STPG2: variants seen among roughly 807,000 people sequenced by gnomAD.
The protein encoded by STPG2 is sperm tail PG-rich repeat containing 2.
A neutral mutation model predicts 54.2 loss-of-function variants in STPG2; 56 were observed. That is an observed-to-expected ratio of 1.03 (90% CI 0.83 to 1.29). The LOEUF (loss-of-function observed/expected upper bound fraction) is 1.29. Ranked by LOEUF, STPG2 falls within the 50% of genes most tolerant of loss-of-function variation. The pLI is 0.00. For synonymous variants in STPG2, 200 were observed against 181.8 expected (o/e 1.10, Z -0.81); for missense variants, 596 against 544.9 (o/e 1.09, Z -0.93).
At chr4:97,464,620 A>G (rs1729746092) in intron 4 of STPG2, among the ~76,000 whole-genome samples, 1 of 151,920 alleles carries the variant, frequency 6.6e-6, no homozygotes, top group Non-Finnish European at 1.5e-5. Flanking sequence ...TTTCCCAGAC[A>G]AGTCTCCAAC....
At chr4:97,565,945 G>A (rs1013462939) in intron 10 of STPG2, among the ~76,000 whole-genome samples, 1 of 152,224 alleles carries the variant, frequency 6.6e-6, no homozygotes, top group Non-Finnish European at 1.5e-5. Flanking sequence ...CATGCTGGGA[G>A]AACCACTGCT....
chr4:97,690,665 AC>A (rs1169315691), intron 10 of STPG2, among the ~76,000 whole-genome samples: 1 of 152,142 alleles, frequency 6.6e-6, no homozygotes, highest in Non-Finnish European at 1.5e-5. Flanking sequence ...TGTTTAAGCA[AC>A]CCTGGTTGAA....
intron 5 of STPG2, among the ~76,000 whole-genome samples, chr4:98,038,257 T>C (rs1307921014): frequency 6.6e-6 from 1 of 151,984 alleles, no homozygotes; most frequent in Non-Finnish European, 1.5e-5. Context: ...AAGAAATATA[T>C]CATATGGAAG....
At chr4:97,504,025 T>G (rs1292355597) in intron 4 of STPG2, among the ~76,000 whole-genome samples, 1 of 145,378 alleles carries the variant, frequency 6.9e-6, no homozygotes, top group South Asian at 2.1e-4. Flanking sequence ...ATAAACATAT[T>G]TTTTATTTTT....
intron 9 of STPG2, among the ~76,000 whole-genome samples, chr4:97,830,685 C>T (rs1728426420): frequency 6.6e-6 from 1 of 151,994 alleles, no homozygotes; most frequent in South Asian, 2.1e-4. Context: ...GGAAGATTTA[C>T]CAAGCAAATT....
At position 97,818,694 on chromosome 4, in the gene STPG2, C is replaced by T. The variant is rs529498124; in HGVS notation, c.1204+22079G>A. Among the ~76,000 whole-genome samples the T allele has an allele frequency of 2.4e-4, 37 of 151,788 alleles. No individual in the cohort carries two copies. In the South Asian group the frequency reaches 7.5e-3, roughly 31 times the overall value. On this transcript the variant is annotated intron_variant, in intron 9 of 10. Transcript: ENST00000295268. ...TATCCTAATTTATGTTCTAAAATAC[C>T]ACTTCATCAGTTTTCTCCTCCCCAC... is the stretch of plus-strand genomic sequence containing the variant.
At chr4:97,443,107 C>A (rs896011851) in intron 4 of STPG2, among the ~76,000 whole-genome samples, 1 of 152,120 alleles carries the variant, frequency 6.6e-6, no homozygotes, top group African/African-American at 2.4e-5. Flanking sequence ...GAAAACTATA[C>A]AGACAACCAA....
At chr4:97,960,030 G>A (rs1733828947) in intron 7 of STPG2, among the ~76,000 whole-genome samples, 1 of 152,080 alleles carries the variant, frequency 6.6e-6, no homozygotes, top group African/African-American at 2.4e-5. Context: ...CAGGGATGCA[G>A]GGAAGGTTTA....
intron 5 of STPG2, among the ~76,000 whole-genome samples, chr4:98,096,963 G>A (rs1238075435): frequency 2.0e-5 from 3 of 152,054 alleles, no homozygotes; most frequent in African/African-American, 7.2e-5. Context: ...CAAGTAATAA[G>A]ATCAAAGCCA....
At chr4:98,132,187 T>C (rs1236922762) in intron 2 of STPG2, among the ~76,000 whole-genome samples, 1 of 152,036 alleles carries the variant, frequency 6.6e-6, no homozygotes, top group Non-Finnish European at 1.5e-5. Context: ...CTCAGGTAGT[T>C]TGTAAAATTT....
rs552266374 is a variant in STPG2 at position 97,528,490 on chromosome 4, T to C, written c.462+184209A>G. On this transcript the variant is annotated intron_variant, in intron 4 of 4. Transcript: ENST00000522676. ...ATTGTCTTGGCTATAAGGGCTCTTT[T>C]TGGTTAAATATGAAATTTAAAGTAT... is the stretch of plus-strand genomic sequence containing the variant. 8.1e-4 allele frequency among the ~76,000 whole-genome samples: 123 copies of C among 152,338 alleles called. 1 individual carries two copies. Among genetic ancestry groups the C allele is most frequent in the South Asian group, 2.1e-3 (10 of 4,832 alleles).
chr4:97,627,746 G>T (rs955652368), intron 10 of STPG2, among the ~76,000 whole-genome samples: 2 of 152,058 alleles, frequency 1.3e-5, no homozygotes, highest in African/African-American at 2.4e-5. Context: ...AAAACCAATA[G>T]TAAATGATTC....
At chr4:97,543,470 A>G (rs141985365) in intron 4 of STPG2, among the ~76,000 whole-genome samples, 1 of 152,084 alleles carries the variant, frequency 6.6e-6, no homozygotes, top group African/African-American at 2.4e-5. Flanking sequence ...GGGAAAAAAA[A>G]TAAAATGCTA....
intron 8 of STPG2, among the ~76,000 whole-genome samples, chr4:97,923,852 G>T (rs1029093954): frequency 1.3e-5 from 2 of 152,172 alleles, no homozygotes; most frequent in Non-Finnish European, 1.5e-5. Context: ...AAACACACCA[G>T]TCAGCACCCT....
rs566582284 is a variant in STPG2 at position 97,469,768 on chromosome 4, C to T, written c.462+242931G>A. Among the ~76,000 whole-genome samples, 5 of 151,972 alleles carry T rather than the reference C, an allele frequency of 3.3e-5. No homozygotes were observed. The South Asian group carries it at 1.0e-3, about 32-fold the overall frequency. On this transcript the variant is annotated intron_variant, in intron 4 of 4. Coordinates refer to the STPG2 transcript ENST00000522676. ...AGGCTGAAGAAATACCACAGAAAGA[C>T]ACAGACACAGAAACTAAAACATAGA...
At chr4:97,636,149 C>A (rs1182730644) in intron 10 of STPG2, among the ~76,000 whole-genome samples, 1 of 149,580 alleles carries the variant, frequency 6.7e-6, no homozygotes, top group Non-Finnish European at 1.5e-5. Flanking sequence ...ATCTCTCAGA[C>A]CACAGTGCAA....
intron 10 of STPG2, among the ~76,000 whole-genome samples, chr4:97,711,062 A>T (rs1048439934): frequency 6.6e-6 from 1 of 151,948 alleles, no homozygotes; most frequent in Non-Finnish European, 1.5e-5. Context: ...AAAAGCAAGA[A>T]TATCTTAAAT....
intron 8 of STPG2, among the ~76,000 whole-genome samples, chr4:97,877,901 C>A (rs548697357): frequency 1.3e-5 from 2 of 152,272 alleles, no homozygotes; most frequent in East Asian, 3.9e-4. Flanking sequence ...CACCTACGAG[C>A]CTGTAAAATT....
intron 8 of STPG2, among the ~76,000 whole-genome samples, chr4:97,912,279 T>C (rs1466563175): frequency 6.6e-6 from 1 of 152,160 alleles, no homozygotes; most frequent in Non-Finnish European, 1.5e-5. Context: ...ATGATCACAA[T>C]GCCTCTCCAG....
Sources: allele counts gnomAD v4.1 joint callset (sites outside exome capture counted in the v4.1 genomes callset), GRCh38; gene constraint gnomAD v4.1.1; transcripts MANE v1.5; gene names NCBI Gene and HGNC (gene_info 2026-07-23, HGNC 2026-07-21).